The following CDK5RAP2 variants were observed in gnomAD, a reference collection of about 807,000 sequenced individuals.
CDK5RAP2 encodes CDK5 regulatory subunit-associated protein 2.
Under a neutral mutation model 232.9 loss-of-function variants are expected in CDK5RAP2, and 147 were observed. The ratio of observed to expected loss-of-function variants is 0.63; its 90% CI spans 0.55 to 0.72. CDK5RAP2 has a LOEUF of 0.72. CDK5RAP2 is among the 30% of genes least tolerant of loss of function. CDK5RAP2 has a pLI of 0.00. For synonymous variants in CDK5RAP2, 833 were observed against 833.7 expected, an observed-to-expected ratio of 1.00 and a Z score of 0.01; for missense variants, 2,195 against 2,231.5, an observed-to-expected ratio of 0.98 and a Z score of 0.33.
At chr9:120,460,793 G>A in intron 18 of CDK5RAP2, 126 bp from the exon 19 acceptor site, 1 of 1,472,264 alleles carries the variant, frequency 6.8e-7, no homozygotes, top group African/African-American at 1.4e-5. Flanking sequence ...AAAAGAGGAA[G>A]AAACAAATGC....
At chr9:120,437,187 A>AG in intron 25 of CDK5RAP2, 108 bp downstream of exon 25, 2 of 784,946 alleles carry the variant, frequency 2.5e-6, no homozygotes. Flanking sequence ...ATCAAGGCAG[A>AG]GGGGTGAAAG....
At position 120,421,736 on chromosome 9, in the gene CDK5RAP2, G is replaced by A. The variant is rs887861374; in HGVS notation, c.4004+957C>T. On this transcript the variant is annotated intron_variant, in intron 26 of 37. Transcript: ENST00000349780. ...TTCATGTATTCCATGATTATTTTCT[G>A]ATCTCCAACTACATGCCAGCAACTT... Among the ~76,000 whole-genome samples the A allele has an allele frequency of 2.0e-5, 3 of 152,342 alleles. No individual in the cohort carries two copies. In the South Asian group the frequency reaches 6.2e-4, roughly 32 times the overall value.
At chr9:120,571,112 G>T (rs775498464) in intron 2 of CDK5RAP2, among the ~76,000 whole-genome samples, 1 of 151,980 alleles carries the variant, frequency 6.6e-6, no homozygotes, top group African/African-American at 2.4e-5. Flanking sequence ...GTGCGTGATC[G>T]CACCTCTGCA....
chr9:120,518,409 G>C lies in CDK5RAP2; in HGVS notation c.1311+18C>G, dbSNP rs1210122254. ...AAAAGCACTGTCCACTGTGTCAGAA[G>C]GGCAGGGCGGTACTCACACGGATGG... On this transcript the variant is annotated intron_variant, in intron 12 of 37. Transcript: ENST00000349780. 6.2e-7 allele frequency: 1 copy of C among 1,606,070 alleles called. No individual in the cohort carries two copies. Among genetic ancestry groups the C allele is most frequent in the Admixed American group, 1.7e-5 (1 of 59,954 alleles).
intron 6 of CDK5RAP2, among the ~76,000 whole-genome samples, chr9:120,538,516 C>A (rs561165976): frequency 6.6e-6 from 1 of 152,224 alleles, no homozygotes; most frequent in African/African-American, 2.4e-5. Flanking sequence ...AAAAGACATT[C>A]CATGAGCACC....
chr9:120,551,002 CT>C (rs2042023084), intron 3 of CDK5RAP2, 100 bp from the exon 4 acceptor site: 3 of 761,622 alleles, frequency 3.9e-6, no homozygotes, highest in African/African-American at 1.7e-5. Flanking sequence ...GGCTACAAAA[CT>C]GATTCAAATG....
intron 14 of CDK5RAP2, among the ~76,000 whole-genome samples, chr9:120,480,145 C>G (rs1321851141): frequency 6.6e-6 from 1 of 152,188 alleles, no homozygotes; most frequent in African/African-American, 2.4e-5. Flanking sequence ...TCTCTAAATG[C>G]TGGAGGCGGA....
chr9:120,457,187 C>T (rs1425951094), intron 20 of CDK5RAP2, among the ~76,000 whole-genome samples: 2 of 152,178 alleles, frequency 1.3e-5, no homozygotes, highest in African/African-American at 4.8e-5. Flanking sequence ...GATCCCCCAA[C>T]CAAGTGTCAG....
chr9:120,523,166 A>G (rs942900900), intron 11 of CDK5RAP2, among the ~76,000 whole-genome samples: 7 of 152,216 alleles, frequency 4.6e-5, no homozygotes, highest in Non-Finnish European at 8.8e-5. Context: ...AACACTGTAC[A>G]TTGTAAGACC....
chr9:120,403,959 C>T lies in CDK5RAP2; in HGVS notation c.5041+77G>A. The T allele has an allele frequency of 1.0e-6, 1 of 968,820 alleles. No individual in the cohort carries two copies. The allele number at this position is 968,820 out of a possible 1,614,324, so 60.0% of individuals were successfully genotyped here. ...TACCCTCCTGAGTTGGGACCAGGGA[C>T]CCCCCTTTTCTGCAAGTTAAAAAGT... On this transcript the variant is annotated intron_variant, in intron 33 of 37. Coordinates refer to ENST00000349780, the MANE Select transcript of CDK5RAP2 (RefSeq NM_018249.6). The surrounding 1 kb of genome is among the most constrained non-coding windows in gnomAD (Gnocchi z 4.2).
intron 25 of CDK5RAP2, among the ~76,000 whole-genome samples, chr9:120,423,596 G>A (rs1588294676): frequency 6.6e-6 from 1 of 152,292 alleles, no homozygotes; most frequent in African/African-American, 2.4e-5. Flanking sequence ...AAGCACATGA[G>A]CCTAGATTTC....
chr9:120,440,801 GA>G (rs1251299293), intron 23 of CDK5RAP2, among the ~76,000 whole-genome samples: 8 of 152,296 alleles, frequency 5.3e-5, no homozygotes, highest in African/African-American at 1.9e-4. Context: ...GAAATATTGA[GA>G]GATTCTGTGA....
At chr9:120,559,504 A>AG (rs1003915786) in intron 3 of CDK5RAP2, among the ~76,000 whole-genome samples, 6 of 148,572 alleles carry the variant, frequency 4.0e-5, no homozygotes, top group African/African-American at 1.5e-4. Context: ...AAAAAAAAAA[A>AG]AAAAGAAAAC....
At chr9:120,469,216 G>A (rs561972974) in intron 17 of CDK5RAP2, among the ~76,000 whole-genome samples, 1 of 152,210 alleles carries the variant, frequency 6.6e-6, no homozygotes, top group South Asian at 2.1e-4. Flanking sequence ...TCTCTGCTGA[G>A]AAAGTGGAGA....
At chr9:120,474,547 A>T (rs74653656) in intron 15 of CDK5RAP2, among the ~76,000 whole-genome samples, 169 of 152,274 alleles carry the variant, frequency 1.1e-3, no homozygotes, top group African/African-American at 4.0e-3. Context: ...AGTTACAGGG[A>T]AACTGTGCTA....
chr9:120,487,969 C>T (rs2038701534), intron 13 of CDK5RAP2, among the ~76,000 whole-genome samples: 1 of 152,222 alleles, frequency 6.6e-6, no homozygotes, highest in Non-Finnish European at 1.5e-5. Context: ...GCAAATACTG[C>T]TTTAGGGTCT....
chr9:120,532,610 A>C (rs1398082085), intron 7 of CDK5RAP2: 1 of 152,510 alleles, frequency 6.6e-6, no homozygotes, highest in Non-Finnish European at 1.5e-5. Flanking sequence ...TCAGGGAGGG[A>C]ACACGCTGAT....
chr9:120,470,000 G>A, intron 17 of CDK5RAP2, 111 bp downstream of exon 17: 1 of 660,084 alleles, frequency 1.5e-6, no homozygotes, highest in Non-Finnish European at 2.8e-6. Flanking sequence ...AGAGGGGACA[G>A]GAAGGAAGGA....
At position 120,516,802 on chromosome 9, in the gene CDK5RAP2, C is replaced by T. The variant is rs1469144067; in HGVS notation, c.1311+1625G>A. 2.0e-5 allele frequency among the ~76,000 whole-genome samples: 3 copies of T among 152,260 alleles called. No individual in the cohort carries two copies. The East Asian group carries it at 5.8e-4, about 29-fold the overall frequency. Reference sequence around the variant, plus strand: ...TATGAGCATGCCACCGCACTCCAGTCTAGGCAACACTGTGAAACTCTGTCC... The same window carrying T: ...TATGAGCATGCCACCGCACTCCAGTTTAGGCAACACTGTGAAACTCTGTCC... On this transcript the variant is annotated intron_variant, in intron 12 of 37. Transcript: ENST00000349780.
Sources: allele counts gnomAD v4.1 joint callset (sites outside exome capture counted in the v4.1 genomes callset), GRCh38; gene constraint gnomAD v4.1.1; non-coding constraint Gnocchi (gnomAD v3.1); transcripts MANE v1.5; gene names NCBI Gene and HGNC (gene_info 2026-07-23, HGNC 2026-07-21).